Variants in GPR107 observed in about 807,000 individuals in gnomAD.
GPR107 encodes protein GPR107.
A neutral mutation model predicts 75.5 loss-of-function variants in GPR107; 31 were observed. The ratio of observed to expected loss-of-function variants is 0.41; its 90% CI spans 0.31 to 0.55. The LOEUF is 0.55. Among genes scored for constraint, GPR107 ranks in the 20% least tolerant of loss-of-function variants. The pLI, the probability that GPR107 is intolerant of heterozygous loss-of-function variation, is 0.26. For synonymous variants in GPR107, 267 were observed against 251.3 expected, an observed-to-expected ratio of 1.06 and a Z score of -0.59; for missense variants, 572 against 665.7, an observed-to-expected ratio of 0.86 and a Z score of 1.55.
intron 5 of GPR107, among the ~76,000 whole-genome samples, chr9:130,080,530 C>T (rs887534084): frequency 4.6e-5 from 7 of 151,340 alleles, no homozygotes; most frequent in Non-Finnish European, 7.4e-5. Flanking sequence ...CTCGCTCTGT[C>T]GCCCAGGCTG....
Position 130,053,963 on chromosome 9 carries a change from G to T in GPR107, c.31G>T (p.Ala11Ser). 1.9e-6 allele frequency: 3 copies of T among 1,554,942 alleles called. No homozygotes were observed. Among genetic ancestry groups the T allele is most frequent in the Non-Finnish European group, 2.6e-6 (3 of 1,150,702 alleles). The stretch of plus-strand genomic sequence containing the variant: ...CGCTCTGGCGCCCGTCGGCTCCCCC[G>T]CCTCCCGCGGTCCTAGGCTGGCCGC... MAALAPVGSP[A>S]SRGPRLAAGL... The change falls in exon 1 of 18, where the codon GCC (alanine) becomes TCC (serine). Residue 11 changes from alanine to serine, a missense_variant. Transcript: ENST00000347136.
At chr9:130,106,098 C>T (rs1831149250) in intron 13 of GPR107, among the ~76,000 whole-genome samples, 1 of 152,190 alleles carries the variant, frequency 6.6e-6, no homozygotes, top group African/African-American at 2.4e-5. Context: ...GAGGTTCACA[C>T]CCTACTTTTA....
At chr9:130,085,124 A>ACTGTTTATTAAAGATCATAATT (rs1023190871) in intron 6 of GPR107, among the ~76,000 whole-genome samples, 3 of 152,174 alleles carry the variant, frequency 2.0e-5, no homozygotes, top group African/African-American at 7.2e-5. Context: ...ATTGGGAAAG[A>ACTGTTTATTAAAGATCATAATT]CTGTTTATTA....
Position 130,134,340 on chromosome 9 carries a change from C to G in GPR107, c.1563-685C>G, listed in dbSNP as rs986634363. Among the ~76,000 whole-genome samples, 19 of 152,344 alleles carry G rather than the reference C, an allele frequency of 1.2e-4. No individual in the cohort carries two copies. In the South Asian group the frequency reaches 3.1e-3, roughly 25 times the overall value. ...CTCAGCTCCTCATGCCCTGCGAGAC[C>G]AGCGATCTTCCATTTTTAATCCTTG... On this transcript the variant is annotated intron_variant, in intron 17 of 17. Transcript: ENST00000347136.
chr9:130,130,000 C>A (rs1166166453), intron 17 of GPR107: 2 of 152,214 alleles, frequency 1.3e-5, no homozygotes, highest in African/African-American at 4.8e-5. Flanking sequence ...ATTTTTGTTT[C>A]GTGGCAACAA....
chr9:130,108,016 T>C (rs1387473538), intron 14 of GPR107, among the ~76,000 whole-genome samples: 1 of 152,250 alleles, frequency 6.6e-6, no homozygotes, highest in African/African-American at 2.4e-5. Context: ...CTACCTGATA[T>C]TGAAATGGTT....
intron 14 of GPR107, among the ~76,000 whole-genome samples, chr9:130,118,495 C>T (rs1831477969): frequency 6.6e-6 from 1 of 151,992 alleles, no homozygotes; most frequent in South Asian, 2.1e-4. Context: ...GTATTTCCTG[C>T]CTCAGTGGGC....
At chr9:130,054,740 C>T (rs1193703544) in intron 1 of GPR107, among the ~76,000 whole-genome samples, 1 of 152,180 alleles carries the variant, frequency 6.6e-6, no homozygotes, top group African/African-American at 2.4e-5. Flanking sequence ...GAGAAAAGAC[C>T]TCTAAGGCTG....
chr9:130,102,015 C>T (rs948104526), intron 12 of GPR107, among the ~76,000 whole-genome samples: 3 of 152,136 alleles, frequency 2.0e-5, no homozygotes, highest in Admixed American at 6.6e-5. Context: ...TCCACCCTTA[C>T]GTTCAATAAT....
chr9:130,124,936 T>A lies in GPR107; in HGVS notation c.1328T>A (p.Leu443Gln). Reference sequence around the variant, plus strand: ...CTAGCTGCTATTAACTTAGCAAAGCTGAAACTTTTCAGACATTATTACGTC... The same window carrying A: ...CTAGCTGCTATTAACTTAGCAAAGCAGAAACTTTTCAGACATTATTACGTC... ...DGKAAINLAK[L>Q]KLFRHYYVLI... is the part of the protein sequence containing the mutation. The change falls in exon 15 of 18, where the codon CTG becomes CAG. Residue 443 changes from leucine (L) to glutamine (Q), a missense_variant. Transcript: ENST00000347136. The A allele has an allele frequency of 6.5e-7, 1 of 1,546,792 alleles. No individual in the cohort carries two copies. The highest frequency in any genetic ancestry group is 8.8e-7 in the Non-Finnish European group (1 of 1,136,760).
chr9:130,128,673 G>T lies in GPR107; in HGVS notation c.1474G>T (p.Val492Phe). Residue 492 changes from valine (V) to phenylalanine (F), a missense_variant, in exon 17 of 18, where the codon GTT becomes TTT. Physicochemically the swap from Val to Phe is conservative, Grantham distance 50. Transcript: ENST00000347136. ...LDETATLVFF[V>F]LTGYKFRPAS... is the part of the protein sequence containing the mutation. ...TGAAACGGCCACACTGGTCTTCTTT[G>T]TTCTAACGGGGTATAAATTCCGTCC... The T allele has an allele frequency of 3.1e-6, 5 of 1,611,690 alleles. No individual in the cohort carries two copies. Among genetic ancestry groups the T allele is most frequent in the Non-Finnish European group, 4.2e-6 (5 of 1,177,764 alleles).
intron 14 of GPR107, among the ~76,000 whole-genome samples, chr9:130,123,023 A>G (rs562332940): frequency 6.6e-6 from 1 of 152,172 alleles, no homozygotes; most frequent in South Asian, 2.1e-4. Context: ...GATGAGAACC[A>G]GAGAGATTTA....
intron 6 of GPR107, among the ~76,000 whole-genome samples, chr9:130,084,997 C>T (rs1053516467): frequency 6.6e-6 from 1 of 152,128 alleles, no homozygotes; most frequent in African/African-American, 2.4e-5. Flanking sequence ...ATGCTGAGCA[C>T]TGGCTCGTTT....
chr9:130,106,322 G>C (rs1417629208), intron 13 of GPR107, among the ~76,000 whole-genome samples: 1 of 152,014 alleles, frequency 6.6e-6, no homozygotes, highest in African/African-American at 2.4e-5. Context: ...TTTTAGGCTG[G>C]GCGCGGTGGT....
intron 14 of GPR107, among the ~76,000 whole-genome samples, chr9:130,122,936 G>A (rs1239978227): frequency 2.6e-5 from 4 of 152,208 alleles, no homozygotes; most frequent in Non-Finnish European, 2.9e-5. Context: ...CAAGGCTGCA[G>A]TGAGCTGTGA....
At position 130,079,953 on chromosome 9, in the gene GPR107, A is replaced by G. The variant is rs371349214; in HGVS notation, c.526+184A>G. 2.7e-4 allele frequency among the ~76,000 whole-genome samples: 41 copies of G among 152,394 alleles called. No individual in the cohort carries two copies. The East Asian group carries it at 6.4e-3, about 24-fold the overall frequency. On this transcript the variant is annotated intron_variant, in intron 5 of 17. Coordinates refer to ENST00000347136, the MANE Select transcript of GPR107 (RefSeq NM_020960.5). ...AAAATCTGAAGCAGATGGAAAAACA[A>G]CAGTCATTTCTCCTTATTCCCAGTG...
At position 130,138,872 on chromosome 9, in the gene GPR107, A is replaced by T. The variant is rs569225608; in HGVS notation, c.*3751A>T. 1.3e-5 allele frequency: 2 copies of T among 152,284 alleles called. No homozygotes were observed. The highest frequency in any genetic ancestry group is 3.4e-3 in the Middle Eastern group (1 of 294). The allele number at this position is 152,284 out of a possible 1,614,324, so 9.4% of individuals were successfully genotyped here. A position where few individuals can be genotyped will look rare whatever the true frequency, so the allele number is the denominator to read the frequency against. On this transcript the variant is annotated 3_prime_UTR_variant, in exon 18 of 18. Transcript: ENST00000347136. ...ATAGCGATGCCTGTTGGAATTGCAGATGCATTCTGGCCTTCTCCCCCGTCC... is the reference window on the plus strand; with the variant it reads ...ATAGCGATGCCTGTTGGAATTGCAGTTGCATTCTGGCCTTCTCCCCCGTCC...
At chr9:130,058,425 G>T (rs1220986309) in intron 1 of GPR107, among the ~76,000 whole-genome samples, 4 of 151,516 alleles carry the variant, frequency 2.6e-5, no homozygotes. Context: ...TACCCTTTCT[G>T]GATGTTTAAT....
intron 1 of GPR107, among the ~76,000 whole-genome samples, chr9:130,067,811 C>G (rs1265372471): frequency 8.9e-6 from 1 of 112,842 alleles, no homozygotes; most frequent in African/African-American, 3.5e-5. Context: ...GTGGTCTAAT[C>G]TTGGCTCACT....
Sources: gnomAD v4.1 joint callset for allele counts (sites outside exome capture counted in the v4.1 genomes callset) on GRCh38, gnomAD v4.1.1 for gene constraint, MANE v1.5 for transcripts, NCBI Gene and HGNC (gene_info 2026-07-23, HGNC 2026-07-21) for gene names.